Variants in CDRT4 observed in about 807,000 individuals in gnomAD.
CDRT4 encodes CMT1A duplicated region transcript 4.
For synonymous variants in CDRT4, 64 were observed against 69.6 expected (o/e 0.92, Z 0.40); for missense variants, 167 against 193.1 (o/e 0.87, Z 0.80).
chr17:15,442,404 C>T (rs1294772238), intron 2 of CDRT4, among the ~76,000 whole-genome samples: 2 of 149,492 alleles, frequency 1.3e-5, no homozygotes, highest in African/African-American at 2.5e-5. Flanking sequence ...AGTGAGACTC[C>T]GTCTCCAAGA....
intron 1 of CDRT4, among the ~76,000 whole-genome samples, chr17:15,465,805 G>C (rs1980011107): frequency 6.6e-6 from 1 of 152,350 alleles, no homozygotes; most frequent in Middle Eastern, 3.4e-3. Context: ...AGGGAAGAGG[G>C]GGAGGGAGCC....
intron 3 of CDRT4, among the ~76,000 whole-genome samples, chr17:15,439,940 G>A (rs1412904630): frequency 6.6e-6 from 1 of 152,084 alleles, no homozygotes; most frequent in Non-Finnish European, 1.5e-5. Flanking sequence ...GGGCCTGTTT[G>A]TGGTGGGGAG....
intron 1 of CDRT4, among the ~76,000 whole-genome samples, chr17:15,462,561 T>C (rs1023539661): frequency 1.3e-5 from 2 of 150,886 alleles, no homozygotes; most frequent in South Asian, 2.1e-4. Flanking sequence ...GAATTGCCCA[T>C]ATATATGGGC....
At chr17:15,458,195 C>A (rs1361052643) in intron 1 of CDRT4, among the ~76,000 whole-genome samples, 1 of 152,192 alleles carries the variant, frequency 6.6e-6, no homozygotes, top group East Asian at 1.9e-4. Context: ...CAGGGTCCCA[C>A]CCTGTTTCCT....
intron 1 of CDRT4, among the ~76,000 whole-genome samples, chr17:15,453,579 G>A (rs910914109): frequency 3.3e-5 from 5 of 152,124 alleles, no homozygotes; most frequent in African/African-American, 9.7e-5. Context: ...AACCACCCTC[G>A]TGCAGCATTG....
At chr17:15,456,151 A>C (rs1471489268) in intron 1 of CDRT4, among the ~76,000 whole-genome samples, 1 of 152,200 alleles carries the variant, frequency 6.6e-6, no homozygotes, top group East Asian at 1.9e-4. Flanking sequence ...TACTAAAGTA[A>C]GGGAACCTAT....
intron 2 of CDRT4, among the ~76,000 whole-genome samples, chr17:15,449,753 C>A (rs1328356455): frequency 6.6e-6 from 1 of 152,142 alleles, no homozygotes; most frequent in Non-Finnish European, 1.5e-5. Flanking sequence ...GTTATCTTCA[C>A]CTTTATGTCC....
At chr17:15,459,144 C>A (rs1297734621) in intron 1 of CDRT4, among the ~76,000 whole-genome samples, 1 of 152,182 alleles carries the variant, frequency 6.6e-6, no homozygotes, top group Non-Finnish European at 1.5e-5. Flanking sequence ...GTTCCAGTTT[C>A]AGGAACACTT....
chr17:15,440,407 C>G, intron 2 of CDRT4, 122 bp from the exon 3 acceptor site: 1 of 1,116,516 alleles, frequency 9.0e-7, no homozygotes, highest in Non-Finnish European at 1.3e-6. Flanking sequence ...ATGACTCCAC[C>G]CCCTGAGAAG....
At chr17:15,441,958 G>A (rs1978783074) in intron 2 of CDRT4, among the ~76,000 whole-genome samples, 2 of 152,072 alleles carry the variant, frequency 1.3e-5, no homozygotes, top group African/African-American at 4.8e-5. Flanking sequence ...AAGCATCTTA[G>A]TTCTCCTTCT....
intron 2 of CDRT4, among the ~76,000 whole-genome samples, chr17:15,446,526 C>T (rs902937809): frequency 6.6e-6 from 1 of 152,156 alleles, no homozygotes; most frequent in African/African-American, 2.4e-5. Flanking sequence ...CAATAATTTG[C>T]TGGACACGTC....
At chr17:15,455,502 C>A (rs1433117014) in intron 1 of CDRT4, among the ~76,000 whole-genome samples, 1 of 152,206 alleles carries the variant, frequency 6.6e-6, no homozygotes, top group Non-Finnish European at 1.5e-5. Flanking sequence ...TGAGTATGAA[C>A]TGCATCTAAT....
At chr17:15,459,065 CGTG>C (rs1567613901) in intron 1 of CDRT4, among the ~76,000 whole-genome samples, 1 of 152,146 alleles carries the variant, frequency 6.6e-6, no homozygotes, top group East Asian at 1.9e-4. Flanking sequence ...ACAGAAATGG[CGTG>C]AGGGCTCCTA....
intron 1 of CDRT4, among the ~76,000 whole-genome samples, chr17:15,466,367 G>T (rs1980042642): frequency 6.6e-6 from 1 of 152,132 alleles, no homozygotes; most frequent in African/African-American, 2.4e-5. Context: ...CCACCCAGAT[G>T]GGGAGAAGGG....
intron 3 of CDRT4, among the ~76,000 whole-genome samples, chr17:15,438,788 A>G (rs892215175): frequency 6.6e-6 from 1 of 152,226 alleles, no homozygotes; most frequent in Admixed American, 6.5e-5. Flanking sequence ...ACCTTCGGCT[A>G]TGTCTCCCAG....
intron 2 of CDRT4, chr17:15,443,744 A>G: frequency 2.1e-6 from 1 of 478,220 alleles, no homozygotes. Context: ...GACTTCAATC[A>G]CATCAGTGTA....
intron 2 of CDRT4, chr17:15,443,741 A>G: frequency 2.1e-6 from 1 of 480,142 alleles, no homozygotes; most frequent in Non-Finnish European, 4.0e-6. Context: ...AGGGACTTCA[A>G]TCACATCAGT....
Position 15,439,994 on chromosome 17 carries a change from T to C in CDRT4, c.31+214A>G, listed in dbSNP as rs1019348808. ...TAGGAGATATACCTAATGTAAATGATGAGTTAATGGGTGCAGCACACCAAC... is the reference window on the plus strand; with the variant it reads ...TAGGAGATATACCTAATGTAAATGACGAGTTAATGGGTGCAGCACACCAAC... On this transcript the variant is annotated intron_variant, in intron 3 of 3. Coordinates refer to ENST00000619038, the MANE Select transcript of CDRT4 (RefSeq NM_001204477.2). Among the ~76,000 whole-genome samples the C allele has an allele frequency of 5.3e-5, 8 of 152,002 alleles. No individual in the cohort carries two copies. The South Asian group carries it at 1.7e-3, about 32-fold the overall frequency.
At position 15,437,953 on chromosome 17, in the gene CDRT4, C is replaced by T. The variant is rs367911828; in HGVS notation, c.279G>A (p.Thr93=). 16 of 1,614,056 alleles carry T rather than the reference C, an allele frequency of 9.9e-6. No homozygotes were observed. Among genetic ancestry groups the T allele is most frequent in the Admixed American group, 6.7e-5 (4 of 59,994 alleles). The change falls in exon 4 of 4, where the codon ACG becomes ACA. Residue 93 remains threonine (T), a synonymous_variant. Transcript: ENST00000619038. ...ACATTGATAACGTGGATTCTGACAG[C>T]GTGTCCCTGAACACAGCTTTGCCAG... ...KSSGKAVFRD[T]LSESTLSMWG...
Sources: allele counts gnomAD v4.1 joint callset (sites outside exome capture counted in the v4.1 genomes callset), GRCh38; gene constraint gnomAD v4.1.1; transcripts MANE v1.5; gene names NCBI Gene and HGNC (gene_info 2026-07-23, HGNC 2026-07-21).